Variants in CASKIN2 observed in about 807,000 individuals in gnomAD.
CASKIN2 encodes CASK interacting protein 2.
In CASKIN2, 41 loss-of-function variants were observed where a neutral mutation model predicts 107.1. The ratio of observed to expected loss-of-function variants is 0.38; its 90% CI spans 0.30 to 0.50. CASKIN2 has a LOEUF of 0.50. Ranked by LOEUF, CASKIN2 falls within the 20% of genes least tolerant of loss-of-function variation. The pLI is 0.92. For synonymous variants in CASKIN2, 724 were observed against 705.6 expected, an observed-to-expected ratio of 1.03 and a Z score of -0.41; for missense variants, 1,546 against 1,657.4, an observed-to-expected ratio of 0.93 and a Z score of 1.17.
In CASKIN2 at chr17:75,506,954, C is replaced by T. The variant is rs200283735; in HGVS notation, c.390+30G>A. On this transcript the variant is annotated intron_variant, in intron 5 of 19. Transcript: ENST00000321617. This position sits in a 1 kb window ranked among gnomAD's most constrained non-coding sequence, Gnocchi z 4.8. ...CTGTCCGGCACCCCACCCTGCCCTG[C>T]GCCACGCCCCTGTGGGCAGCCTCAC... The T allele has an allele frequency of 2.2e-5, 35 of 1,612,612 alleles. No individual in the cohort carries two copies. In the African/African-American group the frequency reaches 2.3e-4, roughly 10 times the overall value.
At chr17:75,509,515 A>G in intron 2 of CASKIN2, 1 of 949,764 alleles carries the variant, frequency 1.1e-6, no homozygotes, top group Non-Finnish European at 1.3e-6. Context: ...ACTGTGCCAC[A>G]AAGGTAAAGA....
In CASKIN2 at chr17:75,506,663, A is replaced by G; in HGVS notation, c.537T>C (p.Gly179=). 1 of 1,613,232 alleles carries G rather than the reference A, an allele frequency of 6.2e-7. No homozygotes were observed. Among genetic ancestry groups the G allele is most frequent in the South Asian group, 1.1e-5 (1 of 91,068 alleles). ...TGGGGTCACACGGGTCTTTGGCCTCACCCTCCAGCAGTGCCACACATAAGT... is the reference window on the plus strand; with the variant it reads ...TGGGGTCACACGGGTCTTTGGCCTCGCCCTCCAGCAGTGCCACACATAAGT... ...NSHLCVALLE[G]EAKDPCDPNY... Residue 179 remains glycine (G), a synonymous_variant, in exon 7 of 20, where the codon GGT becomes GGC. Transcript: ENST00000321617. The surrounding 1 kb of genome is among the most constrained non-coding windows in gnomAD (Gnocchi z 4.8).
Position 75,504,020 on chromosome 17 carries a change from C to A in CASKIN2, c.1468-58G>T, listed in dbSNP as rs181309327. 1,615 of 1,484,648 alleles carry A rather than the reference C, an allele frequency of 1.1e-3. 1 individual carries two copies. Among genetic ancestry groups the A allele is most frequent in the Non-Finnish European group, 1.4e-3 (1,477 of 1,082,212 alleles). The allele number at this position is 1,484,648 out of a possible 1,614,324, so 92.0% of individuals were successfully genotyped here. A position where few individuals can be genotyped will look rare whatever the true frequency, so the allele number is the denominator to read the frequency against. ...GGAGCTGGACCAAGGCCCTAGCCCC[C>A]ACCAGGGGCTCAGGACCTGCCTGAG... is the stretch of plus-strand genomic sequence containing the variant. On this transcript the variant is annotated intron_variant, in intron 14 of 19. Coordinates refer to ENST00000321617, the MANE Select transcript of CASKIN2 (RefSeq NM_020753.5).
Position 75,502,826 on chromosome 17 carries a change from C to A in CASKIN2, c.2248G>T (p.Gly750Ter). 1 of 1,558,190 alleles carries A rather than the reference C, an allele frequency of 6.4e-7. No homozygotes were observed. Residue 750 changes from glycine (G) to a stop codon, truncating the protein, a stop_gained, in exon 18 of 20, where the codon GGA becomes TGA. Coordinates refer to ENST00000321617, the MANE Select transcript of CASKIN2 (RefSeq NM_020753.5). LOFTEE classifies it high-confidence loss of function. This position sits in a 1 kb window ranked among gnomAD's most constrained non-coding sequence, Gnocchi z 4.3. ...PKLCSSLPGQ[G>*]PPPYVFMYPQ... ...TACATAAAAACATAGGGTGGGGGTC[C>A]TTGGCCAGGAAGTGAAGAACAAAGC...
At chr17:75,507,787 AC>A in intron 3 of CASKIN2, 106 bp from the exon 4 acceptor site, 1 of 833,230 alleles carries the variant, frequency 1.2e-6, no homozygotes, top group Non-Finnish European at 1.9e-6. Flanking sequence ...GGGATGGGTT[AC>A]TGGCCCCCCC....
Position 75,502,322 on chromosome 17 carries a change from C to A in CASKIN2, c.2752G>T (p.Gly918Cys). ...GCGGGCCCAGCCGGGGCAGGTGGGCCAGGGGGCTCTGAGGGGCCAGCAGGT... is the reference window on the plus strand; with the variant it reads ...GCGGGCCCAGCCGGGGCAGGTGGGCAAGGGGGCTCTGAGGGGCCAGCAGGT... ...SEPAGPSEPP[G>C]PPAPAGPASD... Residue 918 changes from glycine to cysteine, a missense_variant, in exon 18 of 20, where the codon GGC becomes TGC. Transcript: ENST00000321617. The surrounding 1 kb of genome is among the most constrained non-coding windows in gnomAD (Gnocchi z 4.3). 2 of 1,484,974 alleles carry A rather than the reference C, an allele frequency of 1.3e-6. No individual in the cohort carries two copies. The highest frequency in any genetic ancestry group is 1.8e-6 in the Non-Finnish European group (2 of 1,121,176). 92.0% of individuals were successfully genotyped at this position (1,484,974 alleles called of 1,614,324 possible). A position where few individuals can be genotyped will look rare whatever the true frequency, so the allele number is the denominator to read the frequency against.
chr17:75,509,402 G>C (rs926635534), intron 2 of CASKIN2, among the ~76,000 whole-genome samples: 1 of 152,218 alleles, frequency 6.6e-6, no homozygotes, highest in African/African-American at 2.4e-5. Context: ...GCCTGGGGAA[G>C]ACAGGGCTTC....
At chr17:75,514,902 A>G (rs1254920206) in intron 1 of CASKIN2, among the ~76,000 whole-genome samples, 5 of 151,672 alleles carry the variant, frequency 3.3e-5, no homozygotes, top group African/African-American at 7.3e-5. Flanking sequence ...AAGCCCCCCA[A>G]GCCTGAACCT....
Position 75,503,147 on chromosome 17 carries a change from G to C in CASKIN2, c.1927C>G (p.Pro643Ala). The stretch of plus-strand genomic sequence containing the variant: ...AGTCCCTCGATGGCCATCAGCTCCG[G>C]ACCCTTGGCCAGCCGGCGCCCGCCT... ...SEGGRRLAKG[P>A]ELMAIEGLEN... is the part of the protein sequence containing the mutation. The change falls in exon 18 of 20, where the codon CCG (proline) becomes GCG (alanine). Residue 643 changes from proline to alanine, a missense_variant. Pro to Ala is a conservative substitution (Grantham distance 27). Transcript: ENST00000321617. 1 of 1,605,384 alleles carries C rather than the reference G, an allele frequency of 6.2e-7. No homozygotes were observed.
At position 75,505,948 on chromosome 17, in the gene CASKIN2, A is replaced by G; in HGVS notation, c.727-19T>C. Reference sequence around the variant, plus strand: ...CACCTCCCTGGGTGCACAGTGTCACATGAGCACACGCTAAGCACTTTGACA... The same window carrying G: ...CACCTCCCTGGGTGCACAGTGTCACGTGAGCACACGCTAAGCACTTTGACA... On this transcript the variant is annotated intron_variant, in intron 8 of 19. Transcript: ENST00000321617. The surrounding 1 kb of genome is among the most constrained non-coding windows in gnomAD (Gnocchi z 5.1). The G allele has an allele frequency of 6.2e-7, 1 of 1,602,580 alleles. No individual in the cohort carries two copies. Among genetic ancestry groups the G allele is most frequent in the Non-Finnish European group, 8.5e-7 (1 of 1,170,612 alleles).
intron 1 of CASKIN2, among the ~76,000 whole-genome samples, chr17:75,514,541 GC>G (rs1219920000): frequency 6.6e-6 from 1 of 152,168 alleles, no homozygotes; most frequent in Non-Finnish European, 1.5e-5. Flanking sequence ...GTTCTCCACA[GC>G]CCGAGGCTCC....
chr17:75,508,579 G>C (rs2053290011), intron 2 of CASKIN2, among the ~76,000 whole-genome samples: 1 of 152,232 alleles, frequency 6.6e-6, no homozygotes, highest in Non-Finnish European at 1.5e-5. Context: ...TGTGCCCTCA[G>C]TGGACAGGCC....
In CASKIN2 at chr17:75,502,341, A is replaced by T; in HGVS notation, c.2733T>A (p.Ala911=). 1 of 1,481,756 alleles carries T rather than the reference A, an allele frequency of 6.7e-7. No individual in the cohort carries two copies. The highest frequency in any genetic ancestry group is 1.4e-5 in the South Asian group (1 of 71,306). The allele number at this position is 1,481,756 out of a possible 1,614,324, so 91.8% of individuals were successfully genotyped here. Residue 911 remains alanine (A), a synonymous_variant, in exon 18 of 20, where the codon GCT becomes GCA. Coordinates refer to ENST00000321617, the MANE Select transcript of CASKIN2 (RefSeq NM_020753.5). The surrounding 1 kb of genome is among the most constrained non-coding windows in gnomAD (Gnocchi z 4.3). ...GTGGGCCAGGGGGCTCTGAGGGGCC[A>T]GCAGGTTCACTCAGTGTTCGCCTTC... ...GPRRRTLSEP[A]GPSEPPGPPA...
chr17:75,502,730 C>A lies in CASKIN2; in HGVS notation c.2344G>T (p.Ala782Ser), dbSNP rs1305333568. ...PGAPWAFSYL[A>S]GPPATPPDPP... ...TCTGGGGGAGTGGCAGGGGGCCCGG[C>A]CAAGTAGGAGAAGGCCCAGGGTGCG... Residue 782 changes from alanine to serine, a missense_variant, in exon 18 of 20, where the codon GCC becomes TCC. By Grantham distance (99) the Ala-to-Ser change is moderately conservative (BLOSUM62 1). Around this residue, in one of 6 missense-constraint regions of CASKIN2, gnomAD observed 1,311 missense variants for 1,311.0 expected, o/e 1.00. Transcript: ENST00000321617. This position sits in a 1 kb window ranked among gnomAD's most constrained non-coding sequence, Gnocchi z 4.3. 8 of 1,579,364 alleles carry A rather than the reference C, an allele frequency of 5.1e-6. No individual in the cohort carries two copies. The highest frequency in any genetic ancestry group is 6.9e-6 in the Non-Finnish European group (8 of 1,161,558).
intron 2 of CASKIN2, among the ~76,000 whole-genome samples, chr17:75,508,659 A>AG (rs1241709639): frequency 1.3e-5 from 2 of 151,994 alleles, no homozygotes; most frequent in Non-Finnish European, 2.9e-5. Context: ...TACTGGGCCG[A>AG]GGGGTGGGGA....
At position 75,506,210 on chromosome 17, in the gene CASKIN2, C is replaced by G; in HGVS notation, c.726+95G>C. The G allele has an allele frequency of 9.0e-7, 1 of 1,113,576 alleles. No individual in the cohort carries two copies. The highest frequency in any genetic ancestry group is 1.3e-6 in the Non-Finnish European group (1 of 768,474). 69.0% of individuals were successfully genotyped at this position (1,113,576 alleles called of 1,614,324 possible). On this transcript the variant is annotated intron_variant, in intron 8 of 19. Transcript: ENST00000321617. The surrounding 1 kb of genome is among the most constrained non-coding windows in gnomAD (Gnocchi z 4.8). ...TTTCCTGACGCCCATGCAAAAACCA[C>G]GCTGGAGTCCTCCGTCCCGTACCTC...
At position 75,502,441 on chromosome 17, in the gene CASKIN2, G is replaced by C; in HGVS notation, c.2633C>G (p.Ser878Cys). The C allele has an allele frequency of 6.9e-7, 1 of 1,441,838 alleles. No individual in the cohort carries two copies. The allele number at this position is 1,441,838 out of a possible 1,614,324, so 89.3% of individuals were successfully genotyped here. A position where few individuals can be genotyped will look rare whatever the true frequency, so the allele number is the denominator to read the frequency against. ...TGGCTCCGGGCTGGGGCCAGAGACG[G>C]AGCTGAGGCGCTTGGGGGGCGGGGG... is the stretch of plus-strand genomic sequence containing the variant. Reference protein sequence around the residue: ...PPPPPPKRLSSVSGPSPEPPP... With the variant: ...PPPPPPKRLSCVSGPSPEPPP... The change falls in exon 18 of 20, where the codon TCC becomes TGC. Residue 878 changes from serine (S) to cysteine (C), a missense_variant. Physicochemically the swap from Ser to Cys is moderately radical, Grantham distance 112. Transcript: ENST00000321617. This position sits in a 1 kb window ranked among gnomAD's most constrained non-coding sequence, Gnocchi z 4.3.
In CASKIN2 at chr17:75,503,484, T is replaced by C. The variant is rs764878535; in HGVS notation, c.1724A>G (p.Tyr575Cys). Residue 575 changes from tyrosine to cysteine, a missense_variant, in exon 17 of 20, where the codon TAC (tyrosine) becomes TGC (cysteine). Tyr to Cys is a radical substitution (Grantham distance 194). Transcript: ENST00000321617. The stretch of plus-strand genomic sequence containing the variant: ...GCCGCTGCTCACCAGCTGCTTGTGG[T>C]ACTGTGGCAGCCCCAGTGCACACAG... ...EWLCALGLPQ[Y>C]HKQLVSSGYD... 5 of 1,612,314 alleles carry C rather than the reference T, an allele frequency of 3.1e-6. No individual in the cohort carries two copies. In the African/African-American group the frequency reaches 6.7e-5, roughly 22 times the overall value.
rs376158998 is a variant in CASKIN2, at chr17:75,502,155, C to T, written c.2919G>A (p.Glu973=). The T allele has an allele frequency of 4.6e-5, 73 of 1,601,772 alleles. No homozygotes were observed. The African/African-American group carries it at 8.0e-4, about 18-fold the overall frequency. ...RPKPAGPPPR[E]TPVPPGLDFN... ...AATCGAGGCCGGGGGGCACGGGTGT[C>T]TCTCGGGGCGGGGGGCCAGCGGGCT... is the stretch of plus-strand genomic sequence containing the variant. Residue 973 remains glutamate, a synonymous_variant, in exon 18 of 20, where the codon GAG becomes GAA. Transcript: ENST00000321617. This position sits in a 1 kb window ranked among gnomAD's most constrained non-coding sequence, Gnocchi z 4.3.
Sources: gnomAD v4.1 joint callset for allele counts (sites outside exome capture counted in the v4.1 genomes callset) on GRCh38, gnomAD v4.1.1 for gene constraint, gnomAD v4.1.1 regional missense constraint, Gnocchi (gnomAD v3.1) non-coding constraint, MANE v1.5 for transcripts, NCBI Gene and HGNC (gene_info 2026-07-23, HGNC 2026-07-21) for gene names.